The following ST8SIA2 variants were observed in gnomAD, a reference collection of about 807,000 sequenced individuals.
The protein encoded by ST8SIA2 is ST8 alpha-N-acetyl-neuraminide alpha-2,8-sialyltransferase 2.
ST8SIA2 carries 22 observed loss-of-function variants against 37.6 expected under a neutral mutation model. The observed-to-expected ratio is 0.58, with a 90% confidence interval of 0.42 to 0.83. ST8SIA2 has a LOEUF of 0.83. Among genes scored for constraint, ST8SIA2 ranks in the 40% least tolerant of loss-of-function variants. The pLI, the probability that ST8SIA2 is intolerant of heterozygous loss-of-function variation, is 0.00. For synonymous variants in ST8SIA2, 205 were observed against 201.2 expected (o/e 1.02, Z -0.16); for missense variants, 382 against 484.7 (o/e 0.79, Z 1.99).
intron 5 of ST8SIA2, among the ~76,000 whole-genome samples, chr15:92,449,729 G>T (rs903776948): frequency 6.6e-6 from 1 of 152,128 alleles, no homozygotes; most frequent in African/African-American, 2.4e-5. Flanking sequence ...TTGTGGTTTT[G>T]ATTTGCATTT....
chr15:92,405,840 G>A (rs1156771352), intron 1 of ST8SIA2, among the ~76,000 whole-genome samples: 1 of 152,182 alleles, frequency 6.6e-6, no homozygotes, highest in African/African-American at 2.4e-5. Flanking sequence ...CTGAATTCTT[G>A]TTGGCTGCCC....
chr15:92,456,214 C>A (rs1478022089), intron 5 of ST8SIA2, among the ~76,000 whole-genome samples: 1 of 152,250 alleles, frequency 6.6e-6, no homozygotes, highest in Non-Finnish European at 1.5e-5. Flanking sequence ...ATACCTTTCT[C>A]CTTTCTTTTG....
At chr15:92,411,366 G>A (rs28573095) in intron 1 of ST8SIA2, among the ~76,000 whole-genome samples, 2,698 of 152,132 alleles carry the variant, frequency 0.018, 83 homozygotes, top group African/African-American at 0.06. Flanking sequence ...TGAGGGTCGG[G>A]CGGGGGTGTT....
chr15:92,427,259 GCAAAAAAAA>G (rs2049683331), intron 1 of ST8SIA2, among the ~76,000 whole-genome samples: 1 of 51,084 alleles, frequency 2.0e-5, no homozygotes. Context: ...TGGGCACTTG[GCAAAAAAAA>G]AAAAAAAAAA....
chr15:92,433,127 C>A (rs1596240573), intron 2 of ST8SIA2, among the ~76,000 whole-genome samples: 1 of 149,116 alleles, frequency 6.7e-6, no homozygotes. Context: ...CCGCCTCTGT[C>A]TCCAAAAAAA....
chr15:92,432,948 G>A (rs934792771), intron 2 of ST8SIA2, among the ~76,000 whole-genome samples: 20 of 152,004 alleles, frequency 1.3e-4, no homozygotes, highest in Middle Eastern at 3.2e-3. Context: ...CCTGGACAAC[G>A]GGCGAAACCC....
intron 1 of ST8SIA2, among the ~76,000 whole-genome samples, chr15:92,414,601 C>G (rs117283367): frequency 1.3e-5 from 2 of 152,356 alleles, no homozygotes; most frequent in East Asian, 1.9e-4. Flanking sequence ...AGGGTTGGGA[C>G]AGGGATGAAA....
In ST8SIA2 at chr15:92,444,749, C is replaced by T. The variant is rs377333440; in HGVS notation, c.662C>T (p.Thr221Met). The part of the protein sequence containing the change: ...QRAFEDLVNA[T>M]WREKLLQRLH... Reference sequence around the variant, plus strand: ...GCCTTTGAGGACTTGGTCAATGCCACGTGGCGGGAGAAGCTGCTGCAACGG... The same window carrying T: ...GCCTTTGAGGACTTGGTCAATGCCATGTGGCGGGAGAAGCTGCTGCAACGG... The change falls in exon 5 of 6, where the codon ACG becomes ATG. Residue 221 changes from threonine to methionine, a missense_variant. Coordinates refer to ENST00000268164, the MANE Select transcript of ST8SIA2 (RefSeq NM_006011.4). 5.0e-6 allele frequency: 8 copies of T among 1,614,094 alleles called. No homozygotes were observed. In the East Asian group the frequency reaches 6.7e-5, roughly 13 times the overall value.
At chr15:92,412,007 G>A (rs571560623) in intron 1 of ST8SIA2, among the ~76,000 whole-genome samples, 64 of 152,276 alleles carry the variant, frequency 4.2e-4, no homozygotes, top group African/African-American at 1.2e-3. Flanking sequence ...AGGTGCTCCC[G>A]GTGGGAGGGT....
Position 92,444,691 on chromosome 15 carries a change from C to G in ST8SIA2, c.604C>G (p.Leu202Val), listed in dbSNP as rs1318756175. The change falls in exon 5 of 6, where the codon CTG becomes GTG. Residue 202 changes from leucine (L) to valine (V), a missense_variant. Physicochemically the swap from Leu to Val is conservative, Grantham distance 32 (BLOSUM62 1). Coordinates refer to ENST00000268164, the MANE Select transcript of ST8SIA2 (RefSeq NM_006011.4). ...CCGGGATGTGGGGCTCAAGACAGACCTGGTAACCATGAACCCCTCGGTCAT... is the reference window on the plus strand; with the variant it reads ...CCGGGATGTGGGGCTCAAGACAGACGTGGTAACCATGAACCCCTCGGTCAT... ...YARDVGLKTD[L>V]VTMNPSVIQR... The G allele has an allele frequency of 1.9e-6, 3 of 1,614,258 alleles. No homozygotes were observed. The highest frequency in any genetic ancestry group is 2.5e-6 in the Non-Finnish European group (3 of 1,180,046).
chr15:92,396,768 C>T (rs11637377), intron 1 of ST8SIA2, among the ~76,000 whole-genome samples: 11,618 of 152,246 alleles, frequency 0.076, 492 homozygotes, highest in Middle Eastern at 0.11. Flanking sequence ...GGATTACAGG[C>T]GTGAGCCACC....
At chr15:92,408,066 G>T (rs1277128276) in intron 1 of ST8SIA2, among the ~76,000 whole-genome samples, 2 of 152,142 alleles carry the variant, frequency 1.3e-5, no homozygotes, top group Non-Finnish European at 2.9e-5. Context: ...TCTCCAGAGT[G>T]ACTGAGTTAA....
intron 5 of ST8SIA2, among the ~76,000 whole-genome samples, chr15:92,460,125 C>T (rs572999724): frequency 1.3e-5 from 2 of 152,306 alleles, no homozygotes; most frequent in African/African-American, 4.8e-5. Context: ...CTCCCCAGTC[C>T]CAATCACCTT....
rs749600701 is a variant in ST8SIA2, at chr15:92,438,417, C to T, written c.355C>T (p.Pro119Ser). 5.6e-6 allele frequency: 9 copies of T among 1,614,200 alleles called. No homozygotes were observed. The highest frequency in any genetic ancestry group is 2.2e-5 in the South Asian group (2 of 91,078). The change falls in exon 4 of 6, where the codon CCT becomes TCT. Residue 119 changes from proline to serine, a missense_variant. Physicochemically the swap from Pro to Ser is moderately conservative, Grantham distance 74. Transcript: ENST00000268164. ...TTCTGTCCTAAAGGGAACCCTGAAG[C>T]CTGGAGATATTATTCATTACATCTT... ...DISVLKGTLK[P>S]GDIIHYIFDR...
chr15:92,435,665 G>T (rs1473590258), intron 3 of ST8SIA2, among the ~76,000 whole-genome samples: 1 of 152,120 alleles, frequency 6.6e-6, no homozygotes, highest in East Asian at 1.9e-4. Flanking sequence ...AAAGGCATGA[G>T]CTCTGGGGAC....
intron 4 of ST8SIA2, among the ~76,000 whole-genome samples, chr15:92,442,685 G>C (rs746697060): frequency 1.8e-4 from 28 of 152,192 alleles, no homozygotes; most frequent in Non-Finnish European, 3.2e-4. Context: ...GTGCTGCAGT[G>C]ACACCTCAGT....
At chr15:92,418,192 G>A (rs1026757861) in intron 1 of ST8SIA2, among the ~76,000 whole-genome samples, 10 of 151,982 alleles carry the variant, frequency 6.6e-5, no homozygotes, top group Non-Finnish European at 7.4e-5. Flanking sequence ...GGTGGCTCAC[G>A]CCTATAATCC....
At chr15:92,456,660 AGGACGTGTCAT>A (rs1331741345) in intron 5 of ST8SIA2, among the ~76,000 whole-genome samples, 1 of 152,188 alleles carries the variant, frequency 6.6e-6, no homozygotes, top group East Asian at 1.9e-4. Flanking sequence ...AGGACCACAT[AGGACGTGTCAT>A]GGAAGAAACT....
intron 5 of ST8SIA2, among the ~76,000 whole-genome samples, chr15:92,456,263 C>T (rs2049918719): frequency 6.6e-6 from 1 of 152,238 alleles, no homozygotes; most frequent in East Asian, 1.9e-4. Context: ...CTGCCTTTCC[C>T]ATGTGCAGTC....
Sources: allele counts gnomAD v4.1 joint callset (sites outside exome capture counted in the v4.1 genomes callset), GRCh38; gene constraint gnomAD v4.1.1; transcripts MANE v1.5; gene names NCBI Gene and HGNC (gene_info 2026-07-23, HGNC 2026-07-21).